Variants in ATAD3B observed in about 807,000 individuals in gnomAD.
ATAD3B encodes the protein ATPase family AAA domain containing 3B, also known as ATPase family AAA domain-containing protein 3B.
A neutral mutation model predicts 70.2 loss-of-function variants in ATAD3B; 59 were observed. The observed-to-expected ratio is 0.84, with a 90% CI of 0.68 to 1.04. The LOEUF (loss-of-function observed/expected upper bound fraction) is 1.04. Ranked by LOEUF, ATAD3B falls within the 50% of genes least tolerant of loss-of-function variation. ATAD3B has a pLI of 0.00. For missense variants in ATAD3B, 961 were observed against 913.4 expected (o/e 1.05, Z -0.67); for synonymous variants, 423 against 388.6 (o/e 1.09, Z -1.04).
the ATAD3B span, among the ~76,000 whole-genome samples, chr1:1,502,909 AAT>A: frequency 8.0e-5 from 12 of 149,568 alleles, no homozygotes; most frequent in African/African-American, 9.8e-5. Context: ...CATTCAGTCT[AAT>A]ATATATATAT....
At chr1:1,486,075 G>C (rs780662323) in intron 9 of ATAD3B, 35 bp from the exon 10 acceptor site, 54 of 1,612,512 alleles carry the variant, frequency 3.3e-5, no homozygotes, top group Admixed American at 1.7e-4. Context: ...CGTGGGTGCA[G>C]AGTGTCTCCC....
At chr1:1,476,361 G>A (rs1198883798) in intron 1 of ATAD3B, among the ~76,000 whole-genome samples, 2 of 150,056 alleles carry the variant, frequency 1.3e-5, no homozygotes, top group African/African-American at 5.0e-5. Flanking sequence ...GAGAACAGAC[G>A]CTGGGCTCTA....
Position 1,495,440 on chromosome 1 carries a change from C to G in ATAD3B, c.1615-45C>G, listed in dbSNP as rs201965757. On this transcript the variant is annotated intron_variant, in intron 15 of 15. Coordinates refer to ENST00000673477, the MANE Select transcript of ATAD3B (RefSeq NM_031921.6). ...GGGCCCTGGCGTGCATTAAGGGTGG[C>G]GGGTTCCCATAGCGGCCTCCCTCAG... The G allele has an allele frequency of 1.1e-4, 169 of 1,554,576 alleles. No individual in the cohort carries two copies. In the South Asian group the frequency reaches 1.4e-3, roughly 13 times the overall value.
the ATAD3B span, among the ~76,000 whole-genome samples, chr1:1,504,301 T>C: frequency 6.6e-6 from 1 of 151,944 alleles, no homozygotes. Context: ...CTTTCAGTCC[T>C]GAGTTCACAG....
intron 2 of ATAD3B, chr1:1,478,353 T>G: frequency 7.3e-7 from 1 of 1,375,946 alleles, no homozygotes. Context: ...AGTCCAAAAG[T>G]GAGCACCTGC....
chr1:1,484,111 A>C (rs750470904), intron 7 of ATAD3B: 1 of 152,126 alleles, frequency 6.6e-6, no homozygotes, highest in Non-Finnish European at 1.5e-5. Context: ...TCTGAACTTC[A>C]AACTCTCAGG....
chr1:1,495,604 G>A lies in ATAD3B; in HGVS notation c.1734G>A (p.Gly578=), dbSNP rs140300218. 1,885 of 1,613,112 alleles carry A rather than the reference G, an allele frequency of 1.2e-3. 40 individuals carry two copies. The highest frequency in any genetic ancestry group is 5.1e-4 in the East Asian group (23 of 44,866). The change falls in exon 16 of 16, where the codon GGG becomes GGA. Residue 578 remains glycine (G), a synonymous_variant. Transcript: ENST00000673477. ...KMRWLKAEGP[G]RGVEHPLSGV... The stretch of plus-strand genomic sequence containing the variant: ...GCTGGCTGAAGGCGGAGGGGCCTGG[G>A]CGCGGGGTCGAGCACCCCCTATCCG...
At chr1:1,480,678 C>T (rs1365317641) in intron 4 of ATAD3B, among the ~76,000 whole-genome samples, 189 bp from the exon 5 acceptor site, 2 of 147,134 alleles carry the variant, frequency 1.4e-5, no homozygotes, top group East Asian at 2.1e-4. Context: ...GACCCTGAAC[C>T]CATCCCCTCA....
chr1:1,505,889 T>C, the ATAD3B span, among the ~76,000 whole-genome samples: 1 of 152,220 alleles, frequency 6.6e-6, no homozygotes, highest in Non-Finnish European at 1.5e-5. Context: ...ATTTTATATA[T>C]TTTATTACAC....
In ATAD3B at chr1:1,477,289, C is replaced by T. The variant is rs148312059; in HGVS notation, c.221C>T (p.Ala74Val). ...ELEHSRYAKE[A>V]LNLAQMQEQT... Reference sequence around the variant, plus strand: ...GCGCCCGCAGGTTACGCCAAGGAGGCCCTGAATCTGGCGCAGATGCAGGAG... The same window carrying T: ...GCGCCCGCAGGTTACGCCAAGGAGGTCCTGAATCTGGCGCAGATGCAGGAG... Residue 74 changes from alanine to valine, a missense_variant, in exon 2 of 16, where the codon GCC (alanine) becomes GTC (valine). Coordinates refer to ENST00000673477, the MANE Select transcript of ATAD3B (RefSeq NM_031921.6). 1.5e-5 allele frequency: 24 copies of T among 1,612,424 alleles called. No homozygotes were observed. The Middle Eastern group carries it at 2.4e-3, about 161-fold the overall frequency.
chr1:1,493,555 G>A (rs1459283128), intron 15 of ATAD3B, among the ~76,000 whole-genome samples: 2 of 151,844 alleles, frequency 1.3e-5, no homozygotes, highest in South Asian at 2.1e-4. Flanking sequence ...GACGTCAGGT[G>A]ACCTGCCCAC....
At chr1:1,499,534 A>G, downstream of ATAD3B, among the ~76,000 whole-genome samples, 2 of 135,022 alleles carry the variant, frequency 1.5e-5, no homozygotes, top group South Asian at 2.4e-4. Context: ...GCCCAGCCAT[A>G]GATAGATATT....
chr1:1,492,602 C>A (rs998246561), intron 15 of ATAD3B, among the ~76,000 whole-genome samples: 1 of 145,380 alleles, frequency 6.9e-6, no homozygotes, highest in African/African-American at 2.8e-5. Flanking sequence ...CGAGGCCAGC[C>A]TGGCCAGTGT....
intron 4 of ATAD3B, among the ~76,000 whole-genome samples, chr1:1,479,334 A>G (rs1153102): frequency 0.26 from 37,670 of 143,838 alleles, 12,762 homozygotes; most frequent in African/African-American, 0.71. Context: ...CTGCCCACAC[A>G]GACACACACT....
At chr1:1,487,824 CGTCACTCTCGCCT>C (rs1557810343) in intron 11 of ATAD3B, 26 bp from the exon 12 acceptor site, 1 of 1,609,178 alleles carries the variant, frequency 6.2e-7, no homozygotes, top group East Asian at 2.2e-5. Context: ...CTGCTCCTGG[CGTCACTCTCGCCT>C]TGCTTGGCCT....
chr1:1,506,762 T>C, the ATAD3B span, among the ~76,000 whole-genome samples: 58 of 151,598 alleles, frequency 3.8e-4, no homozygotes, highest in African/African-American at 1.4e-3. Context: ...TTTTTTCCAA[T>C]ATGGATTCTA....
At chr1:1,482,353 TGA>T (rs1639961967) in intron 6 of ATAD3B, 50 bp downstream of exon 6, 1 of 1,548,260 alleles carries the variant, frequency 6.5e-7, no homozygotes, top group South Asian at 1.2e-5. Flanking sequence ...CCCGCAGGTG[TGA>T]GTCGCTGGTC....
chr1:1,480,054 C>T lies in ATAD3B; in HGVS notation c.445-813C>T, dbSNP rs1211565543. The stretch of plus-strand genomic sequence containing the variant: ...CCAGGCACACACCCCCTTGCACAGA[C>T]GGGCACGCACACAGTCCCACACATG... On this transcript the variant is annotated intron_variant, in intron 4 of 15. Transcript: ENST00000673477. Among the ~76,000 whole-genome samples, 8 of 146,296 alleles carry T rather than the reference C, an allele frequency of 5.5e-5. No homozygotes were observed. The South Asian group carries it at 6.6e-4, about 12-fold the overall frequency.
chr1:1,501,837 T>A (rs1200278075), downstream of ATAD3B, among the ~76,000 whole-genome samples: 2 of 152,178 alleles, frequency 1.3e-5, no homozygotes, highest in Non-Finnish European at 2.9e-5. Flanking sequence ...GTCAGTGGCC[T>A]CCATGCCTTT....
Sources: gnomAD v4.1 joint callset for allele counts (sites outside exome capture counted in the v4.1 genomes callset) on GRCh38, gnomAD v4.1.1 for gene constraint, MANE v1.5 for transcripts, NCBI Gene and HGNC (gene_info 2026-07-23, HGNC 2026-07-21) for gene names.